The following KCTD5 variants were observed in gnomAD, a reference collection of about 807,000 sequenced individuals.
KCTD5 encodes the protein potassium channel tetramerization domain containing 5.
A neutral mutation model predicts 27.9 loss-of-function variants in KCTD5; 12 were observed. The observed-to-expected ratio is 0.43, with a 90% confidence interval of 0.28 to 0.70. The LOEUF (loss-of-function observed/expected upper bound fraction) is 0.70. KCTD5 is among the 30% of genes least tolerant of loss of function. The pLI, the probability that KCTD5 is intolerant of heterozygous loss-of-function variation, is 0.19. For missense variants in KCTD5, 226 were observed against 274.8 expected (o/e 0.82, Z 1.26); for synonymous variants, 147 against 121.4 (o/e 1.21, Z -1.39).
At chr16:2,686,031 C>T (rs999955441) in intron 1 of KCTD5, 3 of 144,316 alleles carry the variant, frequency 2.1e-5, no homozygotes, top group Non-Finnish European at 3.1e-5. Flanking sequence ...TCTTGACAGA[C>T]GGGTTGTTAG....
At position 2,699,874 on chromosome 16, in the gene KCTD5, G is replaced by A. The variant is rs574315985; in HGVS notation, c.507G>A (p.Thr169=). The part of the protein sequence containing the change: ...RVLQCQEEEL[T]QMVSTMSDGW... ...TGCAGTGCCAGGAGGAGGAGCTCACGCAGATGGTGTCCACCATGTCCGACG... is the reference window on the plus strand; with the variant it reads ...TGCAGTGCCAGGAGGAGGAGCTCACACAGATGGTGTCCACCATGTCCGACG... Residue 169 remains threonine, a synonymous_variant, in exon 4 of 6, where the codon ACG becomes ACA. Coordinates refer to ENST00000301738, the MANE Select transcript of KCTD5 (RefSeq NM_018992.4). The A allele has an allele frequency of 4.2e-5, 68 of 1,613,922 alleles. No individual in the cohort carries two copies. Among genetic ancestry groups the A allele is most frequent in the Non-Finnish European group, 4.1e-5 (48 of 1,179,954 alleles).
intron 5 of KCTD5, 139 bp from the exon 6 acceptor site, chr16:2,707,159 G>T: frequency 1.4e-6 from 1 of 703,812 alleles, no homozygotes; most frequent in South Asian, 1.9e-5. Flanking sequence ...GAGTCCCCAA[G>T]ACCCTGGCCA....
At chr16:2,697,622 G>A (rs1402238770) in intron 2 of KCTD5, among the ~76,000 whole-genome samples, 2 of 152,228 alleles carry the variant, frequency 1.3e-5, no homozygotes, top group Non-Finnish European at 1.5e-5. Context: ...CATACCTGGC[G>A]GGTCACTGGA....
At chr16:2,700,969 C>T (rs1158861688) in intron 4 of KCTD5, among the ~76,000 whole-genome samples, 8 of 152,182 alleles carry the variant, frequency 5.3e-5, no homozygotes, top group Non-Finnish European at 1.2e-4. Context: ...GAGCCTCCCA[C>T]GGGAACAGAA....
rs538915638 is a variant in KCTD5, at chr16:2,682,752, C to A, written c.204C>A (p.Ser68=). The A allele has an allele frequency of 1.2e-5, 19 of 1,608,034 alleles. No homozygotes were observed. The South Asian group carries it at 1.9e-4, about 16-fold the overall frequency. ...AGACCCTGTGCCGGGACCCGAAATC[C>A]TTCCTGTACCGCTTATGCCAGGCCG... The part of the protein sequence containing the change: ...TRQTLCRDPK[S]FLYRLCQADP... Residue 68 remains serine (S), a synonymous_variant, in exon 1 of 6, where the codon TCC becomes TCA. Transcript: ENST00000301738.
chr16:2,705,525 T>C (rs1474641621), intron 5 of KCTD5, among the ~76,000 whole-genome samples: 3 of 152,122 alleles, frequency 2.0e-5, no homozygotes, highest in Non-Finnish European at 4.4e-5. Context: ...CTGTCTGGCT[T>C]AGGCCACAGG....
chr16:2,682,808 C>G lies in KCTD5; in HGVS notation c.252+8C>G, dbSNP rs1171690346. ...GACCTGGACTCAGACAAGGTGAGGG[C>G]CTCACGGGCCAGCCCGGAGGGTCCT... On this transcript the variant is annotated splice_region_variant and intron_variant, in intron 1 of 5. Transcript: ENST00000301738. The G allele has an allele frequency of 1.9e-6, 3 of 1,586,186 alleles. No individual in the cohort carries two copies. The highest frequency in any genetic ancestry group is 2.6e-6 in the Non-Finnish European group (3 of 1,168,594).
intron 1 of KCTD5, among the ~76,000 whole-genome samples, chr16:2,690,795 C>T (rs1289220535): frequency 6.6e-6 from 1 of 152,250 alleles, no homozygotes; most frequent in Non-Finnish European, 1.5e-5. Context: ...TTGGCCCAGA[C>T]GCTGTTCTAA....
rs982165823 is a variant in KCTD5 at position 2,702,254 on chromosome 16, G to T, written c.550-99G>T. 65 of 1,471,682 alleles carry T rather than the reference G, an allele frequency of 4.4e-5. 1 individual carries two copies. The Admixed American group carries it at 1.2e-3, about 27-fold the overall frequency. 91.2% of individuals were successfully genotyped at this position (1,471,682 alleles called of 1,614,324 possible). A position where few individuals can be genotyped will look rare whatever the true frequency, so the allele number is the denominator to read the frequency against. On this transcript the variant is annotated intron_variant, in intron 4 of 5. Coordinates refer to ENST00000301738, the MANE Select transcript of KCTD5 (RefSeq NM_018992.4). ...TGAAGCGTCGGCAGTCTTTGCTGTG[G>T]CTTTCGCGGTGGCAGGCGCGTCCTG...
chr16:2,706,793 G>C (rs999792046), intron 5 of KCTD5, among the ~76,000 whole-genome samples: 3 of 151,838 alleles, frequency 2.0e-5, no homozygotes, highest in African/African-American at 7.3e-5. Flanking sequence ...TTGTTCCATG[G>C]GGCAGTCGGG....
At chr16:2,701,319 G>A (rs2067611125) in intron 4 of KCTD5, among the ~76,000 whole-genome samples, 1 of 152,312 alleles carries the variant, frequency 6.6e-6, no homozygotes, top group African/African-American at 2.4e-5. Context: ...ATGTAGGGAA[G>A]CCGCTGGGCT....
rs772809388 is a variant in KCTD5 at position 2,707,302 on chromosome 16, T to C, written c.680T>C (p.Leu227Ser). The C allele has an allele frequency of 6.2e-7, 1 of 1,613,918 alleles. No individual in the cohort carries two copies. ...ASEPSEKAKI[L>S]QERGSRM Reference sequence around the variant, plus strand: ...TATGCATTTGGTGTTTTTCAGATTTTGCAAGAACGAGGCTCAAGGATGTGA... The same window carrying C: ...TATGCATTTGGTGTTTTTCAGATTTCGCAAGAACGAGGCTCAAGGATGTGA... Residue 227 changes from leucine (L) to serine (S), a missense_variant, in exon 6 of 6, where the codon TTG (leucine) becomes TCG (serine). By Grantham distance (145) the Leu-to-Ser change is moderately radical. This residue lies in a region of KCTD5 where 135 missense variants were observed against 207.0 expected (regional missense o/e 0.65). Coordinates refer to ENST00000301738, the MANE Select transcript of KCTD5 (RefSeq NM_018992.4).
At chr16:2,692,129 G>C (rs1430500058) in intron 1 of KCTD5, among the ~76,000 whole-genome samples, 1 of 152,186 alleles carries the variant, frequency 6.6e-6, no homozygotes, top group Non-Finnish European at 1.5e-5. Flanking sequence ...AGGTGCCATG[G>C]CTCCGGCTGG....
chr16:2,682,800 G>C lies in KCTD5; in HGVS notation c.252G>C (p.Lys84Asn). The part of the protein sequence containing the change: ...CQADPDLDSD[K>N]DETGAYLIDR... ...CCGATCCCGACCTGGACTCAGACAAGGTGAGGGCCTCACGGGCCAGCCCGG... is the reference window on the plus strand; with the variant it reads ...CCGATCCCGACCTGGACTCAGACAACGTGAGGGCCTCACGGGCCAGCCCGG... The change falls in exon 1 of 6, where the codon AAG becomes AAC. Residue 84 changes from lysine (K) to asparagine (N), a missense_variant and splice_region_variant. Lys to Asn is a moderately conservative substitution (Grantham distance 94, BLOSUM62 0). Coordinates refer to ENST00000301738, the MANE Select transcript of KCTD5 (RefSeq NM_018992.4). 6.3e-7 allele frequency: 1 copy of C among 1,591,708 alleles called. No homozygotes were observed. Among genetic ancestry groups the C allele is most frequent in the Non-Finnish European group, 8.5e-7 (1 of 1,170,848 alleles).
intron 1 of KCTD5, among the ~76,000 whole-genome samples, chr16:2,689,670 G>A (rs1276695370): frequency 6.6e-6 from 1 of 151,832 alleles, no homozygotes; most frequent in East Asian, 1.9e-4. Flanking sequence ...ATTCCTCACT[G>A]CCGTTTTCTT....
chr16:2,687,329 C>T (rs1303456641), intron 1 of KCTD5, among the ~76,000 whole-genome samples: 1 of 152,234 alleles, frequency 6.6e-6, no homozygotes, highest in Non-Finnish European at 1.5e-5. Flanking sequence ...GGGCACCTGA[C>T]ATGGGCCCGC....
At chr16:2,686,850 C>G (rs1163860267) in intron 1 of KCTD5, among the ~76,000 whole-genome samples, 1 of 151,694 alleles carries the variant, frequency 6.6e-6, no homozygotes, top group Non-Finnish European at 1.5e-5. Flanking sequence ...TTTGAAGCCG[C>G]TTGGCAAGAG....
chr16:2,688,239 ATATATATT>A (rs1422986287), intron 1 of KCTD5, among the ~76,000 whole-genome samples: 46 of 99,378 alleles, frequency 4.6e-4, no homozygotes, highest in East Asian at 2.5e-3. Context: ...ATATATATAT[ATATATATT>A]TATTTATTTA....
intron 3 of KCTD5, chr16:2,699,161 G>A (rs532096085): frequency 3.9e-5 from 18 of 456,082 alleles, no homozygotes; most frequent in Middle Eastern, 3.3e-4. Context: ...GTCCAGCCCC[G>A]TCTGCAGCCT....
Sources: gnomAD v4.1 joint callset for allele counts (sites outside exome capture counted in the v4.1 genomes callset) on GRCh38, gnomAD v4.1.1 for gene constraint, gnomAD v4.1.1 regional missense constraint, MANE v1.5 for transcripts, NCBI Gene and HGNC (gene_info 2026-07-23, HGNC 2026-07-21) for gene names.